Variants in PRKRIP1 observed in about 807,000 individuals in gnomAD.
PRKRIP1 encodes the protein PRKR-interacting protein 1.
Under a neutral mutation model 29.3 loss-of-function variants are expected in PRKRIP1, and 29 were observed. The ratio of observed to expected loss-of-function variants is 0.99; its 90% CI spans 0.74 to 1.35. The LOEUF is 1.35. PRKRIP1 is among the 40% of genes most tolerant of loss of function. The pLI, the probability that PRKRIP1 is intolerant of heterozygous loss-of-function variation, is 0.00. For missense variants in PRKRIP1, 247 were observed against 236.8 expected (o/e 1.04, Z -0.28); for synonymous variants, 90 against 85.1 (o/e 1.06, Z -0.32).
intron 4 of PRKRIP1, chr7:102,405,622 T>C (rs530161381): frequency 6.5e-6 from 1 of 154,460 alleles, no homozygotes; most frequent in Non-Finnish European, 1.5e-5. Flanking sequence ...AAATTTTTTT[T>C]TAAAAAGCAC....
rs782765412 is a variant in PRKRIP1 at position 102,425,123 on chromosome 7, A to G, written c.*12A>G. The G allele has an allele frequency of 6.2e-7, 1 of 1,608,712 alleles. No homozygotes were observed. Among genetic ancestry groups the G allele is most frequent in the Non-Finnish European group, 8.5e-7 (1 of 1,179,142 alleles). ...CCATGGGGCGATGACAATGTTTGCCACAGCCTCTGCCTGGAACCTGGCTCG... is the reference window on the plus strand; with the variant it reads ...CCATGGGGCGATGACAATGTTTGCCGCAGCCTCTGCCTGGAACCTGGCTCG... On this transcript the variant is annotated 3_prime_UTR_variant, in exon 6 of 6. Transcript: ENST00000397912.
chr7:102,402,424 CA>C (rs1796097931), intron 3 of PRKRIP1, among the ~76,000 whole-genome samples: 1 of 150,362 alleles, frequency 6.7e-6, no homozygotes, highest in East Asian at 2.0e-4. Context: ...GTTAGTGAGC[CA>C]GACGCTGTCT....
At chr7:102,417,081 T>C (rs998800674) in intron 5 of PRKRIP1, among the ~76,000 whole-genome samples, 7 of 152,060 alleles carry the variant, frequency 4.6e-5, no homozygotes, top group African/African-American at 1.7e-4. Flanking sequence ...GGTCTCGATC[T>C]CCTGACCTCG....
chr7:102,396,934 C>T (rs983703226), intron 1 of PRKRIP1, among the ~76,000 whole-genome samples: 6 of 152,156 alleles, frequency 3.9e-5, no homozygotes, highest in African/African-American at 1.4e-4. Context: ...CTCTCCCGCT[C>T]ACACCCCCTC....
At chr7:102,423,925 G>A (rs1796770975) in intron 5 of PRKRIP1, among the ~76,000 whole-genome samples, 1 of 152,236 alleles carries the variant, frequency 6.6e-6, no homozygotes, top group African/African-American at 2.4e-5. Flanking sequence ...GCCTCCCAAA[G>A]TGCTGGGATT....
intron 5 of PRKRIP1, among the ~76,000 whole-genome samples, chr7:102,418,867 A>T (rs1295858240): frequency 2.0e-5 from 3 of 150,144 alleles, no homozygotes; most frequent in South Asian, 4.2e-4. Flanking sequence ...TTTAATGTTT[A>T]AAAAAAAAAT....
chr7:102,401,777 C>A lies in PRKRIP1; in HGVS notation c.306+2129C>A, dbSNP rs540197787. Among the ~76,000 whole-genome samples, 18 of 152,226 alleles carry A rather than the reference C, an allele frequency of 1.2e-4. No individual in the cohort carries two copies. The South Asian group carries it at 1.2e-3, about 11-fold the overall frequency. ...AATTAACCAGGCGCAGTGGTGCACACCTGTAATCCCAGCTACTTGGGAGGC... is the reference window on the plus strand; with the variant it reads ...AATTAACCAGGCGCAGTGGTGCACAACTGTAATCCCAGCTACTTGGGAGGC... On this transcript the variant is annotated intron_variant, in intron 3 of 5. Coordinates refer to ENST00000397912, the MANE Select transcript of PRKRIP1 (RefSeq NM_024653.4).
At chr7:102,413,658 A>G (rs1463047328) in intron 5 of PRKRIP1, among the ~76,000 whole-genome samples, 4 of 152,132 alleles carry the variant, frequency 2.6e-5, no homozygotes, top group African/African-American at 9.7e-5. Flanking sequence ...ACACTTTAAT[A>G]TAATTTCTTT....
chr7:102,424,907 G>T, intron 5 of PRKRIP1, 107 bp from the exon 6 acceptor site: 1 of 1,147,076 alleles, frequency 8.7e-7, no homozygotes, highest in East Asian at 2.6e-5. Flanking sequence ...CTTGCCATGC[G>T]GTCTAGGAAC....
At chr7:102,405,185 C>T (rs559114058) in intron 4 of PRKRIP1, among the ~76,000 whole-genome samples, 5 of 152,294 alleles carry the variant, frequency 3.3e-5, no homozygotes, top group Non-Finnish European at 5.9e-5. Context: ...CTTCGGCCTC[C>T]CAAAGTGCTG....
intron 5 of PRKRIP1, chr7:102,422,958 C>T (rs953130794): frequency 3.2e-6 from 1 of 311,104 alleles, no homozygotes; most frequent in Non-Finnish European, 6.6e-6. Flanking sequence ...CATTTGGTCC[C>T]GAGCATTTTG....
rs34218257 is a variant in PRKRIP1, at chr7:102,397,706, CTGTGTGTGTGTG to C, written c.205+28_205+39del. ...TTGTCCGAGATGTCATGGGTAATGGCTGTGTGTGTGTGTGTGTGTGTGTGTGTGTGTAAATAT... is the reference window on the plus strand; with the variant it reads ...TTGTCCGAGATGTCATGGGTAATGGCTGTGTGTGTGTGTGTGTGTAAATAT... On this transcript the variant is annotated intron_variant, in intron 2 of 5. Coordinates refer to ENST00000397912, the MANE Select transcript of PRKRIP1 (RefSeq NM_024653.4). 64 of 1,330,500 alleles carry C rather than the reference CTGTGTGTGTGTG, an allele frequency of 4.8e-5. No individual in the cohort carries two copies. The highest frequency in any genetic ancestry group is 1.0e-4 in the African/African-American group (7 of 68,708). 82.4% of individuals were successfully genotyped at this position (1,330,500 alleles called of 1,614,324 possible).
At chr7:102,422,906 T>TCC in intron 5 of PRKRIP1, 1 of 251,132 alleles carries the variant, frequency 4.0e-6, no homozygotes, top group Non-Finnish European at 7.9e-6. Context: ...ATGCAGATAT[T>TCC]CCAAAGTCTG....
At position 102,396,406 on chromosome 7, in the gene PRKRIP1, G is replaced by A; in HGVS notation, c.-6G>A. ...CGCCGCTCGCTTGTGAAACTGGAAGGCTGCCATGGCTAGCCCAGCCGCCTC... is the reference window on the plus strand; with the variant it reads ...CGCCGCTCGCTTGTGAAACTGGAAGACTGCCATGGCTAGCCCAGCCGCCTC... On this transcript the variant is annotated 5_prime_UTR_variant, in exon 1 of 6. Coordinates refer to ENST00000397912, the MANE Select transcript of PRKRIP1 (RefSeq NM_024653.4). The A allele has an allele frequency of 6.4e-7, 1 of 1,551,418 alleles. No homozygotes were observed. Among genetic ancestry groups the A allele is most frequent in the Non-Finnish European group, 8.7e-7 (1 of 1,155,608 alleles).
intron 3 of PRKRIP1, among the ~76,000 whole-genome samples, chr7:102,401,590 G>A (rs570427081): frequency 2.6e-5 from 4 of 152,212 alleles, no homozygotes; most frequent in Admixed American, 6.5e-5. Context: ...AAAATTAGCC[G>A]GGCGTGGTGG....
intron 3 of PRKRIP1, among the ~76,000 whole-genome samples, chr7:102,402,662 A>G (rs544566048): frequency 6.6e-6 from 1 of 152,230 alleles, no homozygotes; most frequent in South Asian, 2.1e-4. Flanking sequence ...AAATGCAAAG[A>G]TTCTTATTTT....
chr7:102,397,830 G>A (rs1795954906), intron 2 of PRKRIP1, 132 bp downstream of exon 2: 1 of 689,164 alleles, frequency 1.5e-6, no homozygotes, highest in Non-Finnish European at 2.4e-6. Flanking sequence ...CGGATCATGA[G>A]GTCAGGAGAT....
chr7:102,412,766 C>G (rs1796423078), intron 5 of PRKRIP1, among the ~76,000 whole-genome samples: 1 of 152,174 alleles, frequency 6.6e-6, no homozygotes, highest in Non-Finnish European at 1.5e-5. Flanking sequence ...GGCTCTTCTC[C>G]TAAAAAGCAG....
Position 102,425,233 on chromosome 7 carries a change from G to C in PRKRIP1, c.*122G>C. ...GACCCGCTGGATGGAGAGCAAAGGA[G>C]ACCCCTCCCGAGCCGCTCACAGTCC... On this transcript the variant is annotated 3_prime_UTR_variant, in exon 6 of 6. Transcript: ENST00000397912. 2 of 1,520,640 alleles carry C rather than the reference G, an allele frequency of 1.3e-6. No homozygotes were observed. Among genetic ancestry groups the C allele is most frequent in the Non-Finnish European group, 1.8e-6 (2 of 1,139,268 alleles). 94.2% of individuals were successfully genotyped at this position (1,520,640 alleles called of 1,614,324 possible). A position where few individuals can be genotyped will look rare whatever the true frequency, so the allele number is the denominator to read the frequency against.
Sources: allele counts gnomAD v4.1 joint callset (sites outside exome capture counted in the v4.1 genomes callset), GRCh38; gene constraint gnomAD v4.1.1; transcripts MANE v1.5; gene names NCBI Gene and HGNC (gene_info 2026-07-23, HGNC 2026-07-21).